The following DNAJC5B variants were observed in gnomAD, a reference collection of about 807,000 sequenced individuals.
The protein encoded by DNAJC5B is dnaJ homolog subfamily C member 5B.
DNAJC5B carries 23 observed loss-of-function variants against 24.7 expected under a neutral mutation model. The ratio of observed to expected loss-of-function variants is 0.93; its 90% CI spans 0.67 to 1.32. The LOEUF is 1.32. DNAJC5B is among the 40% of genes most tolerant of loss of function. The pLI is 0.00. For synonymous variants in DNAJC5B, 101 were observed against 90.1 expected (o/e 1.12, Z -0.68); for missense variants, 238 against 240.8 (o/e 0.99, Z 0.08).
chr8:66,062,451 A>G (rs980312408), intron 3 of DNAJC5B, among the ~76,000 whole-genome samples: 2 of 152,210 alleles, frequency 1.3e-5, no homozygotes, highest in Non-Finnish European at 2.9e-5. Flanking sequence ...AATTTAGAGA[A>G]TGTGTCTTCA....
intron 1 of DNAJC5B, among the ~76,000 whole-genome samples, chr8:66,031,034 A>G (rs1806350475): frequency 6.6e-6 from 1 of 152,220 alleles, no homozygotes; most frequent in South Asian, 2.1e-4. Context: ...CCACCTCTAT[A>G]AGTTGCAGAA....
intron 1 of DNAJC5B, among the ~76,000 whole-genome samples, chr8:66,022,532 T>C (rs2884235): frequency 0.47 from 71,417 of 151,868 alleles, 21,580 homozygotes; most frequent in African/African-American, 0.86. Context: ...TCAGTGGGAG[T>C]AAGAGTCCAT....
At chr8:66,022,730 A>G (rs943380288) in intron 1 of DNAJC5B, among the ~76,000 whole-genome samples, 7 of 152,364 alleles carry the variant, frequency 4.6e-5, no homozygotes, top group East Asian at 1.9e-4. Flanking sequence ...TAGTCCCCAA[A>G]GCATGTAAAA....
chr8:66,081,743 A>G (rs1473472680), intron 5 of DNAJC5B, among the ~76,000 whole-genome samples: 2 of 152,076 alleles, frequency 1.3e-5, no homozygotes, highest in Non-Finnish European at 2.9e-5. Context: ...GGACAGAAGG[A>G]GTTTTCTTGA....
At chr8:66,071,088 C>G (rs1175033050) in intron 3 of DNAJC5B, among the ~76,000 whole-genome samples, 1 of 152,112 alleles carries the variant, frequency 6.6e-6, no homozygotes, top group Non-Finnish European at 1.5e-5. Flanking sequence ...AGACCTAGTA[C>G]CATAAAAATC....
In DNAJC5B at chr8:66,051,569, C is replaced by T. The variant is rs750763616; in HGVS notation, c.22C>T (p.Gln8Ter). Residue 8 changes from glutamine (Q) to a stop codon, truncating the protein, a stop_gained, in exon 3 of 6, where the codon CAA becomes TAA. Transcript: ENST00000276570. LOFTEE classifies it high-confidence loss of function. Reference sequence around the variant, plus strand: ...GAAAATGGCATGTAACATACCTAACCAAAGACAGCGGACTCTGTCAACAAC... The same window carrying T: ...GAAAATGGCATGTAACATACCTAACTAAAGACAGCGGACTCTGTCAACAAC... MACNIPN[Q>*]RQRTLSTTGE... 6.2e-7 allele frequency: 1 copy of T among 1,613,892 alleles called. No homozygotes were observed. The highest frequency in any genetic ancestry group is 1.1e-5 in the South Asian group (1 of 91,016).
chr8:66,040,947 C>T (rs1462182677), intron 1 of DNAJC5B, among the ~76,000 whole-genome samples: 2 of 151,808 alleles, frequency 1.3e-5, no homozygotes, highest in African/African-American at 2.4e-5. Flanking sequence ...AGGAATTAAC[C>T]AGTTTGTTCT....
chr8:66,062,941 T>G (rs1016443821), intron 3 of DNAJC5B, among the ~76,000 whole-genome samples: 1 of 152,286 alleles, frequency 6.6e-6, no homozygotes, highest in East Asian at 1.9e-4. Flanking sequence ...GCCCAGGAGT[T>G]TGAGGCTGCA....
At chr8:66,064,614 C>A (rs980407380) in intron 3 of DNAJC5B, among the ~76,000 whole-genome samples, 1 of 152,094 alleles carries the variant, frequency 6.6e-6, no homozygotes, top group Non-Finnish European at 1.5e-5. Context: ...AGTTAGATGC[C>A]CAGAAACTTT....
chr8:66,032,989 G>A (rs547827335), intron 1 of DNAJC5B, among the ~76,000 whole-genome samples: 68 of 152,222 alleles, frequency 4.5e-4, no homozygotes, highest in Admixed American at 3.2e-3. Flanking sequence ...AGTTAGCTTC[G>A]CCCACAGCAA....
chr8:66,087,944 CCTT>C (rs1807764539), intron 5 of DNAJC5B, among the ~76,000 whole-genome samples: 1 of 152,268 alleles, frequency 6.6e-6, no homozygotes, highest in East Asian at 1.9e-4. Context: ...AGGATGGTAG[CCTT>C]CTTCTCACAG....
Position 66,033,770 on chromosome 8 carries a change from CTTTTTTT to C in DNAJC5B, c.-141-9701_-141-9695del, listed in dbSNP as rs765814272. ...GCTTCTTGCTTTCAAGATCATTCCG[CTTTTTTT>C]TTTTTTTTTTTTTTTTGGTAGCATA... On this transcript the variant is annotated intron_variant, in intron 1 of 5. Transcript: ENST00000276570. 1.0e-3 allele frequency among the ~76,000 whole-genome samples: 109 copies of C among 105,382 alleles called. 4 individuals are homozygous for C. In the East Asian group the frequency reaches 0.019, roughly 19 times the overall value. The allele number at this position is 105,382 out of a possible 152,430, so 69.1% of individuals were successfully genotyped here. A position where few individuals can be genotyped will look rare whatever the true frequency, so the allele number is the denominator to read the frequency against.
intron 3 of DNAJC5B, among the ~76,000 whole-genome samples, chr8:66,067,317 TACAG>T (rs765703290): frequency 7.1e-4 from 108 of 151,744 alleles, no homozygotes; most frequent in Admixed American, 2.4e-3. Flanking sequence ...AAAACAGCCC[TACAG>T]ACAAAAGAGG....
At chr8:66,016,406 T>A in the DNAJC5B span, among the ~76,000 whole-genome samples, 1 of 152,110 alleles carries the variant, frequency 6.6e-6, no homozygotes, top group East Asian at 1.9e-4. Flanking sequence ...GCGTCCGGCA[T>A]TTCCCCTGCT....
intron 3 of DNAJC5B, among the ~76,000 whole-genome samples, chr8:66,054,698 A>G (rs1306415231): frequency 2.0e-5 from 3 of 152,242 alleles, no homozygotes; most frequent in Admixed American, 6.5e-5. Flanking sequence ...ATAAAACTCA[A>G]TATCAATCTT....
intron 3 of DNAJC5B, among the ~76,000 whole-genome samples, chr8:66,075,282 C>T (rs540915287): frequency 6.6e-6 from 1 of 152,184 alleles, no homozygotes; most frequent in East Asian, 1.9e-4. Context: ...CTCCTGACCT[C>T]AAGTGATCTG....
chr8:66,058,053 C>A (rs1215455764), intron 3 of DNAJC5B: 3 of 152,168 alleles, frequency 2.0e-5, no homozygotes, highest in Non-Finnish European at 4.4e-5. Context: ...TGGTGTGTGT[C>A]CTCCCACCCT....
chr8:66,047,375 G>A (rs1403689789), intron 2 of DNAJC5B, among the ~76,000 whole-genome samples: 1 of 152,310 alleles, frequency 6.6e-6, no homozygotes, highest in East Asian at 1.9e-4. Flanking sequence ...ACCTGACACT[G>A]TCAGTTACGA....
chr8:66,075,256 C>T (rs943542903), intron 3 of DNAJC5B, among the ~76,000 whole-genome samples: 2 of 151,922 alleles, frequency 1.3e-5, no homozygotes, highest in Non-Finnish European at 2.9e-5. Context: ...GGCATGTTGA[C>T]GAGGCTGGTC....
Sources: allele counts gnomAD v4.1 joint callset (sites outside exome capture counted in the v4.1 genomes callset), GRCh38; gene constraint gnomAD v4.1.1; transcripts MANE v1.5; gene names NCBI Gene and HGNC (gene_info 2026-07-23, HGNC 2026-07-21).